The following RHOBTB2 variants were observed in gnomAD, a reference collection of about 807,000 sequenced individuals.
The protein encoded by RHOBTB2 is rho-related BTB domain-containing protein 2.
In RHOBTB2, 39 loss-of-function variants were observed where a neutral mutation model predicts 66.5. That is an observed-to-expected ratio of 0.59 (90% CI 0.45 to 0.77). The LOEUF (loss-of-function observed/expected upper bound fraction) is 0.77. Ranked by LOEUF, RHOBTB2 falls within the 30% of genes least tolerant of loss-of-function variation. The pLI, the probability that RHOBTB2 is intolerant of heterozygous loss-of-function variation, is 0.00. For missense variants in RHOBTB2, 755 were observed against 999.1 expected, an observed-to-expected ratio of 0.76 and a Z score of 3.29; for synonymous variants, 390 against 395.0, an observed-to-expected ratio of 0.99 and a Z score of 0.15.
the RHOBTB2 span, among the ~76,000 whole-genome samples, chr8:22,963,604 T>G: frequency 2.6e-5 from 4 of 151,824 alleles, no homozygotes; most frequent in African/African-American, 9.7e-5. Flanking sequence ...TACCCAAGAC[T>G]GAGCAATTTA....
upstream of RHOBTB2, chr8:22,994,695 A>G: frequency 7.1e-7 from 1 of 1,410,336 alleles, no homozygotes; most frequent in Non-Finnish European, 9.8e-7. Context: ...TCATCCATCG[A>G]GCATTTATTA....
At chr8:22,978,243 C>A in the RHOBTB2 span, 1 of 151,852 alleles carries the variant, frequency 6.6e-6, no homozygotes, top group African/African-American at 2.4e-5. Flanking sequence ...AAAGTTATGG[C>A]CCAAAAAATA....
chr8:22,990,835 A>G (rs1810407506), intron 1 of RHOBTB2, among the ~76,000 whole-genome samples: 1 of 152,138 alleles, frequency 6.6e-6, no homozygotes, highest in Non-Finnish European at 1.5e-5. Context: ...TGTTCCACAG[A>G]AGGCTTCTAG....
chr8:23,006,057 C>T lies in RHOBTB2; in HGVS notation c.394C>T (p.Arg132Ter), dbSNP rs1585190351. The part of the protein sequence containing the change: ...WYPEIKHFCP[R>*]APVILVGCQL... ...CCCAGAAATCAAGCACTTCTGCCCC[C>T]GAGCACCTGTCATCTTGGTGGGCTG... The change falls in exon 4 of 10, where the codon CGA becomes TGA. Residue 132 changes from arginine to a stop codon, truncating the protein, a stop_gained. Coordinates refer to ENST00000251822, the MANE Select transcript of RHOBTB2 (RefSeq NM_015178.3). LOFTEE classifies it high-confidence loss of function. The surrounding 1 kb of genome is among the most constrained non-coding windows in gnomAD (Gnocchi z 6.1). The T allele has an allele frequency of 6.2e-7, 1 of 1,614,108 alleles. No homozygotes were observed.
chr8:22,988,246 G>A (rs1000631471), intron 1 of RHOBTB2, among the ~76,000 whole-genome samples: 7 of 133,930 alleles, frequency 5.2e-5, no homozygotes, highest in South Asian at 2.6e-4. Context: ...TGCAAACTCC[G>A]CCTCCCGAAT....
chr8:22,996,548 T>C (rs1161492683), upstream of RHOBTB2, among the ~76,000 whole-genome samples: 1 of 141,190 alleles, frequency 7.1e-6, no homozygotes, highest in Non-Finnish European at 1.5e-5. Context: ...TGTGTGTGTG[T>C]GTGTGTGTGT....
rs1585190273 is a variant in RHOBTB2, at chr8:23,005,952, A to C, written c.297-8A>C. ...TCTCTGCCCGTAACCTTACTTTCCC[A>C]CCCGCAGATCTGATGTGGTGGTTCT... is the stretch of plus-strand genomic sequence containing the variant. On this transcript the variant is annotated splice_region_variant and splice_polypyrimidine_tract_variant and intron_variant, in intron 3 of 9. Transcript: ENST00000251822. The C allele has an allele frequency of 6.2e-7, 1 of 1,605,004 alleles. No homozygotes were observed. The highest frequency in any genetic ancestry group is 8.5e-7 in the Non-Finnish European group (1 of 1,172,732).
At chr8:22,994,564 C>T, upstream of RHOBTB2, 1 of 1,549,506 alleles carries the variant, frequency 6.5e-7, no homozygotes, top group Non-Finnish European at 8.7e-7. Context: ...CAACCAGGAG[C>T]CTGGAGGGAA....
rs10087356 is a variant in RHOBTB2, at chr8:23,009,838, C to T, written c.1621-700C>T. 6.6e-3 allele frequency among the ~76,000 whole-genome samples: 1,008 copies of T among 152,192 alleles called. 9 individuals carry two copies. Among genetic ancestry groups the T allele is most frequent in the African/African-American group, 0.023 (946 of 41,520 alleles). ...ACAAGCCCCAGGGGCCTGCCAGCCC[C>T]GGGCACTTCTCGGTACTGTAGACGC... On this transcript the variant is annotated intron_variant, in intron 6 of 9. Coordinates refer to ENST00000251822, the MANE Select transcript of RHOBTB2 (RefSeq NM_015178.3).
At chr8:22,991,647 C>T (rs1310648606) in intron 1 of RHOBTB2, among the ~76,000 whole-genome samples, 1 of 152,130 alleles carries the variant, frequency 6.6e-6, no homozygotes, top group African/African-American at 2.4e-5. Flanking sequence ...GCTCCTGACT[C>T]CACTCCACGG....
chr8:22,967,107 T>C, the RHOBTB2 span, among the ~76,000 whole-genome samples: 1 of 152,192 alleles, frequency 6.6e-6, no homozygotes, highest in African/African-American at 2.4e-5. Context: ...TGTAGTAGCA[T>C]CATCTCATTA....
the RHOBTB2 span, among the ~76,000 whole-genome samples, chr8:22,951,064 C>T: frequency 6.6e-6 from 1 of 152,106 alleles, no homozygotes; most frequent in African/African-American, 2.4e-5. Context: ...CAAGGACTTC[C>T]TTACCCTTAC....
the RHOBTB2 span, among the ~76,000 whole-genome samples, chr8:22,960,062 A>C: frequency 6.7e-6 from 1 of 150,330 alleles, no homozygotes. Flanking sequence ...GCGCATCTGT[A>C]ATCCCAGCTA....
At chr8:22,952,830 G>A in the RHOBTB2 span, among the ~76,000 whole-genome samples, 53 of 152,246 alleles carry the variant, frequency 3.5e-4, no homozygotes, top group Non-Finnish European at 5.3e-4. Flanking sequence ...GCTTGAACTC[G>A]GGAGGCGGAG....
chr8:22,955,545 A>G, the RHOBTB2 span, among the ~76,000 whole-genome samples: 3 of 149,582 alleles, frequency 2.0e-5, no homozygotes, highest in Non-Finnish European at 4.4e-5. Context: ...TCATCCATCC[A>G]TCAATTCATT....
intron 1 of RHOBTB2, among the ~76,000 whole-genome samples, chr8:23,002,248 G>A (rs563515947): frequency 1.3e-5 from 2 of 152,318 alleles, no homozygotes; most frequent in Non-Finnish European, 2.9e-5. Context: ...GTATTCACTC[G>A]ACAAAACAGA....
chr8:22,970,573 A>G, the RHOBTB2 span, among the ~76,000 whole-genome samples: 3 of 151,714 alleles, frequency 2.0e-5, no homozygotes, highest in South Asian at 6.3e-4. Context: ...TGCATTTCAG[A>G]ACCTGGGTCA....
At chr8:23,011,486 C>T (rs976451867) in intron 7 of RHOBTB2, among the ~76,000 whole-genome samples, 1 of 152,172 alleles carries the variant, frequency 6.6e-6, no homozygotes, top group African/African-American at 2.4e-5. Flanking sequence ...ACAAACATCC[C>T]TGCCACTCCT....
the RHOBTB2 span, among the ~76,000 whole-genome samples, chr8:22,969,611 T>C: frequency 6.6e-6 from 1 of 152,190 alleles, no homozygotes; most frequent in East Asian, 1.9e-4. Flanking sequence ...AGCCTTAAAA[T>C]GTTTATATAA....
Sources: gnomAD v4.1 joint callset for allele counts (sites outside exome capture counted in the v4.1 genomes callset) on GRCh38, gnomAD v4.1.1 for gene constraint, Gnocchi (gnomAD v3.1) non-coding constraint, MANE v1.5 for transcripts, NCBI Gene and HGNC (gene_info 2026-07-23, HGNC 2026-07-21) for gene names.